USP34: variants seen among roughly 807,000 people sequenced by gnomAD.
USP34 encodes the protein ubiquitin carboxyl-terminal hydrolase 34.
In USP34, 70 loss-of-function variants were observed where a neutral mutation model predicts 460.3. That is an observed-to-expected ratio of 0.15 (90% CI 0.13 to 0.19). USP34 has a LOEUF of 0.19. Ranked by LOEUF, USP34 falls within the 10% of genes least tolerant of loss-of-function variation. USP34 has a pLI of 1.00. For synonymous variants in USP34, 1,647 were observed against 1,405.3 expected, an observed-to-expected ratio of 1.17 and a Z score of -3.85; for missense variants, 3,985 against 4,236.2, an observed-to-expected ratio of 0.94 and a Z score of 1.65.
intron 10 of USP34, among the ~76,000 whole-genome samples, chr2:61,367,738 G>A (rs1315912429): frequency 2.0e-5 from 3 of 151,736 alleles, no homozygotes; most frequent in Non-Finnish European, 2.9e-5. Context: ...AGCATAGCAC[G>A]AAATAAAAAT....
rs542134096 is a variant in USP34, at chr2:61,278,821, GT to G, written c.5257-379del. Among the ~76,000 whole-genome samples the G allele has an allele frequency of 3.1e-4, 47 of 151,580 alleles. No individual in the cohort carries two copies. In the South Asian group the frequency reaches 3.7e-3, roughly 12 times the overall value. On this transcript the variant is annotated intron_variant, in intron 39 of 79. Transcript: ENST00000398571. ...CATAGTAATCTATTAAGACACTGAA[GT>G]TTTTTTTAATGACTTTATTGAGATG...
intron 8 of USP34, among the ~76,000 whole-genome samples, chr2:61,373,171 TA>T (rs1368532770): frequency 1.1e-4 from 17 of 152,246 alleles, no homozygotes; most frequent in African/African-American, 3.9e-4. Flanking sequence ...AAAATTAAGA[TA>T]TTTTTTAAAT....
intron 62 of USP34, chr2:61,226,808 T>A (rs1687742500): frequency 8.5e-6 from 3 of 354,682 alleles, no homozygotes; most frequent in Admixed American, 4.6e-5. Flanking sequence ...TATTTTACTG[T>A]ATATTTTTTC....
In USP34 at chr2:61,257,381, T is replaced by A. The variant is rs566368090; in HGVS notation, c.5845-31A>T. On this transcript the variant is annotated intron_variant, in intron 44 of 79. Transcript: ENST00000398571. The stretch of plus-strand genomic sequence containing the variant: ...AATAAAAAGGGGAACATTCTAAGTG[T>A]CAGATAAAAATAAGAAAATTATAGG... 9 of 1,528,628 alleles carry A rather than the reference T, an allele frequency of 5.9e-6. No individual in the cohort carries two copies. In the East Asian group the frequency reaches 2.1e-4, roughly 36 times the overall value. 94.7% of individuals were successfully genotyped at this position (1,528,628 alleles called of 1,614,324 possible). A position where few individuals can be genotyped will look rare whatever the true frequency, so the allele number is the denominator to read the frequency against.
chr2:61,258,351 AAAG>A (rs1314147890), intron 44 of USP34, among the ~76,000 whole-genome samples: 9 of 152,166 alleles, frequency 5.9e-5, no homozygotes, highest in African/African-American at 1.9e-4. Context: ...AAAAATACAC[AAAG>A]AAGTATGACA....
chr2:61,273,314 A>T (rs1223482817), intron 41 of USP34, among the ~76,000 whole-genome samples: 1 of 152,234 alleles, frequency 6.6e-6, no homozygotes, highest in Non-Finnish European at 1.5e-5. Context: ...TACAATCTCA[A>T]CCAAAAAAGT....
intron 43 of USP34, 117 bp from the exon 44 acceptor site, chr2:61,259,893 T>C (rs1257007781): frequency 9.3e-6 from 8 of 860,720 alleles, no homozygotes; most frequent in Non-Finnish European, 1.4e-5. Context: ...TTTGGCTATA[T>C]AAAAGAAAAA....
chr2:61,406,369 G>C (rs1693870676), intron 2 of USP34, among the ~76,000 whole-genome samples: 2 of 152,018 alleles, frequency 1.3e-5, no homozygotes, highest in Admixed American at 1.3e-4. Flanking sequence ...GTATGGATTT[G>C]TCTGTCCTTC....
At chr2:61,231,292 TG>T (rs1189399354) in intron 58 of USP34, among the ~76,000 whole-genome samples, 3 of 145,586 alleles carry the variant, frequency 2.1e-5, no homozygotes, top group African/African-American at 7.6e-5. Flanking sequence ...GGTTTTTTTT[TG>T]GTGGGGGGTG....
At chr2:61,347,756 G>T in intron 15 of USP34, 114 bp downstream of exon 15, 2 of 1,469,730 alleles carry the variant, frequency 1.4e-6, no homozygotes, top group Non-Finnish European at 9.1e-7. Context: ...TTTATAGTTT[G>T]CACTATACTA....
chr2:61,239,300 T>TCTCACA lies in USP34; in HGVS notation c.6777+2259_6777+2260insTGTGAG, dbSNP rs1213558114. Reference sequence around the variant, plus strand: ...TTCCTCACTTTAAATGAGGGCCCTGTCACACACACACACACACACACACAC... The same window carrying TCTCACA: ...TTCCTCACTTTAAATGAGGGCCCTGTCTCACACACACACACACACACACACACACAC... On this transcript the variant is annotated intron_variant, in intron 53 of 79. Transcript: ENST00000398571. Among the ~76,000 whole-genome samples the TCTCACA allele has an allele frequency of 2.1e-3, 276 of 132,852 alleles. 2 individuals carry two copies. Among genetic ancestry groups the TCTCACA allele is most frequent in the African/African-American group, 7.5e-3 (260 of 34,880 alleles). The allele number at this position is 132,852 out of a possible 152,430, so 87.2% of individuals were successfully genotyped here. A position where few individuals can be genotyped will look rare whatever the true frequency, so the allele number is the denominator to read the frequency against.
At chr2:61,410,637 C>A (rs1694009683) in intron 2 of USP34, among the ~76,000 whole-genome samples, 5 of 152,014 alleles carry the variant, frequency 3.3e-5, no homozygotes. Flanking sequence ...CAAGCTTCAC[C>A]AAAACCAGCT....
chr2:61,405,125 TG>T (rs1224055771), intron 3 of USP34, among the ~76,000 whole-genome samples: 3 of 149,482 alleles, frequency 2.0e-5, no homozygotes, highest in African/African-American at 7.4e-5. Context: ...CCCAACTACT[TG>T]GGAGGCTGAG....
At chr2:61,311,363 C>G (rs781222330) in intron 27 of USP34, among the ~76,000 whole-genome samples, 177 bp downstream of exon 27, 3 of 151,732 alleles carry the variant, frequency 2.0e-5, no homozygotes, top group Non-Finnish European at 4.4e-5. Context: ...CTGTTCTTTA[C>G]CTAGTCTGTA....
chr2:61,245,063 T>A (rs899170044), intron 51 of USP34, 147 bp downstream of exon 51: 1 of 570,226 alleles, frequency 1.8e-6, no homozygotes, highest in Non-Finnish European at 3.1e-6. Flanking sequence ...GAGAACATAC[T>A]AAACTTCCAA....
intron 76 of USP34, 49 bp from the exon 77 acceptor site, chr2:61,190,707 AACTT>A: frequency 1.9e-6 from 3 of 1,560,444 alleles, no homozygotes; most frequent in South Asian, 1.2e-5. Context: ...GCACGGAAAA[AACTT>A]ACACGGAAAA....
rs1004294804 is a variant in USP34 at position 61,224,603 on chromosome 2, T to C, written c.7596-1307A>G. Among the ~76,000 whole-genome samples the C allele has an allele frequency of 3.0e-4, 45 of 152,204 alleles. 1 individual carries two copies. Among genetic ancestry groups the C allele is most frequent in the Admixed American group, 2.6e-3 (39 of 15,276 alleles). On this transcript the variant is annotated intron_variant, in intron 62 of 79. Coordinates refer to ENST00000398571, the MANE Select transcript of USP34 (RefSeq NM_014709.4). Reference sequence around the variant, plus strand: ...AAACTTCCCCTCAATCACCATTTGGTTGCCACGAAGTATACTTGCAAGTAG... The same window carrying C: ...AAACTTCCCCTCAATCACCATTTGGCTGCCACGAAGTATACTTGCAAGTAG...
chr2:61,461,762 G>A (rs1461229321), intron 1 of USP34, among the ~76,000 whole-genome samples: 1 of 152,088 alleles, frequency 6.6e-6, no homozygotes, highest in Non-Finnish European at 1.5e-5. Flanking sequence ...CAAGCAAACA[G>A]TATGAAAATA....
chr2:61,262,253 T>C (rs1244663356), intron 43 of USP34, among the ~76,000 whole-genome samples: 3 of 151,422 alleles, frequency 2.0e-5, no homozygotes, highest in Non-Finnish European at 4.4e-5. Context: ...GTAAACCGTG[T>C]GTCACGTAAG....
Sources: gnomAD v4.1 joint callset for allele counts (sites outside exome capture counted in the v4.1 genomes callset) on GRCh38, gnomAD v4.1.1 for gene constraint, MANE v1.5 for transcripts, NCBI Gene and HGNC (gene_info 2026-07-23, HGNC 2026-07-21) for gene names.